The following NBEAL1 variants were observed in gnomAD, a reference collection of about 807,000 sequenced individuals.
NBEAL1 encodes the protein neurobeachin like 1, also known as neurobeachin-like protein 1.
A neutral mutation model predicts 351.3 loss-of-function variants in NBEAL1; 273 were observed. The observed-to-expected ratio is 0.78, with a 90% CI of 0.70 to 0.86. NBEAL1 has a LOEUF of 0.86. Ranked by LOEUF, NBEAL1 falls within the 40% of genes least tolerant of loss-of-function variation. The pLI is 0.00. For missense variants in NBEAL1, 2,961 were observed against 3,201.3 expected (o/e 0.92, Z 1.81); for synonymous variants, 1,050 against 1,086.4 (o/e 0.97, Z 0.66).
intron 4 of NBEAL1, among the ~76,000 whole-genome samples, chr2:203,050,922 T>C (rs1027411703): frequency 4.6e-5 from 7 of 152,258 alleles, no homozygotes; most frequent in Non-Finnish European, 1.0e-4. Flanking sequence ...TATTGGTTCA[T>C]ATTCCTCTTG....
intron 19 of NBEAL1, among the ~76,000 whole-genome samples, chr2:203,122,765 A>G (rs1419861155): frequency 6.6e-6 from 1 of 152,214 alleles, no homozygotes; most frequent in Non-Finnish European, 1.5e-5. Flanking sequence ...ACTTTCCAAG[A>G]CCAAACTGCT....
intron 35 of NBEAL1, among the ~76,000 whole-genome samples, chr2:203,152,759 C>T (rs773209968): frequency 2.8e-4 from 42 of 151,936 alleles, no homozygotes; most frequent in Admixed American, 3.3e-4. Context: ...TCACTGGGCC[C>T]GGCACAGTGG....
chr2:203,207,073 C>T (rs2065606743), intron 51 of NBEAL1, among the ~76,000 whole-genome samples: 1 of 150,408 alleles, frequency 6.6e-6, no homozygotes, highest in South Asian at 2.1e-4. Context: ...GCCCTGTCGC[C>T]CCGTCCGGGA....
chr2:203,209,024 G>T, intron 52 of NBEAL1, 137 bp from the exon 53 acceptor site: 1 of 674,380 alleles, frequency 1.5e-6, no homozygotes, highest in Non-Finnish European at 2.4e-6. Flanking sequence ...TTTTTCCTAA[G>T]GTGCATGTAT....
intron 36 of NBEAL1, among the ~76,000 whole-genome samples, chr2:203,165,316 A>C (rs1372571992): frequency 6.6e-6 from 1 of 152,180 alleles, no homozygotes; most frequent in Admixed American, 6.5e-5. Context: ...TCTTTGCATT[A>C]TCTCTAGTTC....
intron 42 of NBEAL1, among the ~76,000 whole-genome samples, chr2:203,176,275 G>A (rs2064498221): frequency 6.7e-6 from 1 of 149,738 alleles, no homozygotes; most frequent in African/African-American, 2.5e-5. Flanking sequence ...GTGGTATGGT[G>A]TGCCACCACA....
chr2:203,072,910 A>G (rs906489726), intron 7 of NBEAL1, among the ~76,000 whole-genome samples: 2 of 152,172 alleles, frequency 1.3e-5, no homozygotes, highest in Admixed American at 6.5e-5. Context: ...ACAAAATACT[A>G]TTGATTTGGT....
At chr2:203,116,538 G>T (rs955340256) in intron 18 of NBEAL1, among the ~76,000 whole-genome samples, 1 of 151,668 alleles carries the variant, frequency 6.6e-6, no homozygotes, top group African/African-American at 2.4e-5. Context: ...ACTTTGGGAT[G>T]CCCAGGTGGA....
chr2:203,174,128 C>A (rs182013027), intron 41 of NBEAL1, among the ~76,000 whole-genome samples: 1 of 142,934 alleles, frequency 7.0e-6, no homozygotes, highest in Admixed American at 7.3e-5. Context: ...TATCAATTTT[C>A]ACAATTCTTG....
intron 51 of NBEAL1, among the ~76,000 whole-genome samples, chr2:203,203,680 C>T (rs958906255): frequency 3.3e-5 from 5 of 151,822 alleles, no homozygotes; most frequent in African/African-American, 1.2e-4. Context: ...CACTCCAGCC[C>T]GGGTGACTGA....
chr2:203,172,454 G>A (rs1248797646), intron 40 of NBEAL1, among the ~76,000 whole-genome samples: 2 of 152,114 alleles, frequency 1.3e-5, no homozygotes, highest in Non-Finnish European at 2.9e-5. Context: ...TCAGGAGGCA[G>A]AGGTTGCAGT....
At chr2:203,164,945 T>G (rs547882171) in intron 36 of NBEAL1, among the ~76,000 whole-genome samples, 2 of 148,318 alleles carry the variant, frequency 1.3e-5, no homozygotes, top group East Asian at 4.1e-4. Context: ...CACCGCACCC[T>G]CCACCTGCCA....
At chr2:203,115,841 C>T in intron 17 of NBEAL1, 144 bp from the exon 18 acceptor site, 1 of 551,216 alleles carries the variant, frequency 1.8e-6, no homozygotes, top group South Asian at 2.7e-5. Flanking sequence ...AATATGGAAA[C>T]AAAGTAAATT....
At chr2:203,078,240 A>G (rs1032155331) in intron 8 of NBEAL1, among the ~76,000 whole-genome samples, 1 of 152,112 alleles carries the variant, frequency 6.6e-6, no homozygotes, top group African/African-American at 2.4e-5. Flanking sequence ...TTGTAAGTGT[A>G]TATGTTTTTT....
chr2:203,070,361 T>C (rs868333314), intron 7 of NBEAL1, among the ~76,000 whole-genome samples: 17 of 36,862 alleles, frequency 4.6e-4, no homozygotes, highest in African/African-American at 7.9e-4. Flanking sequence ...CTCTCTCTCT[T>C]TTTTTTTTTT....
intron 8 of NBEAL1, among the ~76,000 whole-genome samples, chr2:203,082,325 A>G (rs1221614595): frequency 6.6e-6 from 1 of 152,238 alleles, no homozygotes; most frequent in East Asian, 1.9e-4. Flanking sequence ...AGGTGAAGGA[A>G]ATTGAATATT....
chr2:203,028,268 C>T (rs115256975), intron 2 of NBEAL1, among the ~76,000 whole-genome samples: 5,497 of 151,798 alleles, frequency 0.036, 314 homozygotes, highest in African/African-American at 0.12. Flanking sequence ...CCTTATGCCT[C>T]GGCCTCCCAA....
chr2:203,112,990 G>A (rs1350196471), intron 16 of NBEAL1, 25 bp from the exon 17 acceptor site: 15 of 1,428,902 alleles, frequency 1.0e-5, no homozygotes, highest in Non-Finnish European at 1.1e-5. Context: ...AATTAAAATT[G>A]TGTAATTTGT....
intron 44 of NBEAL1, among the ~76,000 whole-genome samples, chr2:203,185,269 C>G (rs1344535615): frequency 6.6e-6 from 1 of 152,114 alleles, no homozygotes; most frequent in Non-Finnish European, 1.5e-5. Flanking sequence ...TTTTGGCATT[C>G]CATTTTTATC....
Sources: allele counts gnomAD v4.1 joint callset (sites outside exome capture counted in the v4.1 genomes callset), GRCh38; gene constraint gnomAD v4.1.1; transcripts MANE v1.5; gene names NCBI Gene and HGNC (gene_info 2026-07-23, HGNC 2026-07-21).